Variants in KLF13 observed in about 807,000 individuals in gnomAD.
KLF13 encodes the protein Krueppel-like factor 13.
KLF13 carries 8 observed loss-of-function variants against 16.7 expected under a neutral mutation model. The ratio of observed to expected loss-of-function variants is 0.48; its 90% confidence interval spans 0.28 to 0.87. The LOEUF (loss-of-function observed/expected upper bound fraction) is 0.87, where lower values mean the gene tolerates loss of function less well. Ranked by LOEUF, KLF13 falls within the 40% of genes least tolerant of loss-of-function variation. The pLI is 0.10. For synonymous variants in KLF13, 245 were observed against 208.4 expected (o/e 1.18, Z -1.51); for missense variants, 447 against 452.2 (o/e 0.99, Z 0.10).
downstream of KLF13, among the ~76,000 whole-genome samples, chr15:31,408,460 CT>C (rs886100567): frequency 6.6e-6 from 1 of 152,142 alleles, no homozygotes; most frequent in Non-Finnish European, 1.5e-5. Flanking sequence ...AGTTAAAATT[CT>C]CGCAAAATAG....
chr15:31,358,925 G>A (rs1385658710), intron 1 of KLF13, among the ~76,000 whole-genome samples: 2 of 152,232 alleles, frequency 1.3e-5, no homozygotes, highest in Non-Finnish European at 2.9e-5. Flanking sequence ...GAGGAAAGGC[G>A]GGGGCAGTGG....
At chr15:31,341,359 CGT>C (rs972115166) in intron 1 of KLF13, among the ~76,000 whole-genome samples, 1 of 151,994 alleles carries the variant, frequency 6.6e-6, no homozygotes, top group Admixed American at 6.6e-5. Flanking sequence ...CGTGTGTGTA[CGT>C]GTGTGTGTCG....
intron 1 of KLF13, among the ~76,000 whole-genome samples, chr15:31,414,827 A>G (rs1226717021): frequency 6.6e-6 from 1 of 152,184 alleles, no homozygotes; most frequent in Non-Finnish European, 1.5e-5. Context: ...GACTTGAATG[A>G]CACTATAAAC....
At chr15:31,395,774 A>G (rs532381488) in intron 2 of KLF13, among the ~76,000 whole-genome samples, 38 of 152,310 alleles carry the variant, frequency 2.5e-4, no homozygotes, top group Non-Finnish European at 4.3e-4. Context: ...ATTTCACTTA[A>G]TAATATCACA....
intron 1 of KLF13, among the ~76,000 whole-genome samples, chr15:31,346,527 C>G (rs2039121496): frequency 6.6e-6 from 1 of 152,222 alleles, no homozygotes; most frequent in Non-Finnish European, 1.5e-5. Context: ...TCTCTTCTTC[C>G]TCTGCAGGAG....
intron 1 of KLF13, among the ~76,000 whole-genome samples, chr15:31,423,490 G>A (rs1034652470): frequency 6.6e-5 from 10 of 151,742 alleles, no homozygotes; most frequent in Admixed American, 2.0e-4. Context: ...AAATTAGCCG[G>A]GTGTGGTGGT....
In KLF13 at chr15:31,372,420, C is replaced by T. The variant is rs1415308821; in HGVS notation, c.*121C>T. 27 of 1,091,052 alleles carry T rather than the reference C, an allele frequency of 2.5e-5. No homozygotes were observed. Among genetic ancestry groups the T allele is most frequent in the Non-Finnish European group, 3.3e-5 (27 of 823,376 alleles). 67.6% of individuals were successfully genotyped at this position (1,091,052 alleles called of 1,614,324 possible). On this transcript the variant is annotated 3_prime_UTR_variant, in exon 2 of 2. Coordinates refer to ENST00000307145, the MANE Select transcript of KLF13 (RefSeq NM_015995.4). Reference sequence around the variant, plus strand: ...TCCACGAAAAAACAATTTTTTTCACCTCAGGTGTCAAAGTAAATTTGTTAA... The same window carrying T: ...TCCACGAAAAAACAATTTTTTTCACTTCAGGTGTCAAAGTAAATTTGTTAA...
At chr15:31,395,939 T>G (rs1434197258) in intron 2 of KLF13, among the ~76,000 whole-genome samples, 1 of 152,248 alleles carries the variant, frequency 6.6e-6, no homozygotes, top group African/African-American at 2.4e-5. Flanking sequence ...CTCTGCCTAC[T>G]GGACATTCAC....
At chr15:31,355,456 A>G (rs1212987044) in intron 1 of KLF13, among the ~76,000 whole-genome samples, 2 of 152,192 alleles carry the variant, frequency 1.3e-5, no homozygotes, top group Non-Finnish European at 2.9e-5. Context: ...CACATAGCTT[A>G]AGGATCCTGT....
intron 1 of KLF13, among the ~76,000 whole-genome samples, chr15:31,432,926 C>T (rs934838077): frequency 6.6e-6 from 1 of 152,102 alleles, no homozygotes; most frequent in Non-Finnish European, 1.5e-5. Flanking sequence ...ACCAGCCTGG[C>T]CAACATGGTG....
At chr15:31,422,754 G>C (rs921489112) in intron 1 of KLF13, among the ~76,000 whole-genome samples, 1 of 152,152 alleles carries the variant, frequency 6.6e-6, no homozygotes, top group Non-Finnish European at 1.5e-5. Context: ...TCAATTTTCA[G>C]CTGGGCGCAG....
At chr15:31,428,299 G>A (rs1004435179) in intron 1 of KLF13, among the ~76,000 whole-genome samples, 1 of 152,104 alleles carries the variant, frequency 6.6e-6, no homozygotes, top group East Asian at 1.9e-4. Context: ...CATGTCTCTC[G>A]CACAACATGT....
In KLF13 at chr15:31,377,534, G is replaced by A. The variant is rs1348794693; in HGVS notation, c.*5235G>A. ...CTTCCCATCCAAAGCCATTGGTGGA[G>A]CTTCTCTGGAATCATTTGCCAAAAG... On this transcript the variant is annotated 3_prime_UTR_variant, in exon 2 of 2. Coordinates refer to ENST00000307145, the MANE Select transcript of KLF13 (RefSeq NM_015995.4). 1 of 152,666 alleles carries A rather than the reference G, an allele frequency of 6.6e-6. No individual in the cohort carries two copies. Among genetic ancestry groups the A allele is most frequent in the African/African-American group, 2.4e-5 (1 of 41,442 alleles). 9.5% of individuals were successfully genotyped at this position (152,666 alleles called of 1,614,324 possible).
intron 2 of KLF13, among the ~76,000 whole-genome samples, chr15:31,402,872 AAC>A: frequency 2.0e-5 from 2 of 97,800 alleles, no homozygotes; most frequent in Middle Eastern, 5.4e-3. Context: ...GGAAAAAAAA[AAC>A]AACTTTTAAG....
At chr15:31,404,188 G>T (rs1180279261) in exon 3 of KLF13, 2 of 152,238 alleles carry the variant, frequency 1.3e-5, no homozygotes, top group African/African-American at 2.4e-5. Context: ...TAAAAAACAG[G>T]CATGATGGTG....
chr15:31,347,749 GC>G (rs1325770087), intron 1 of KLF13, among the ~76,000 whole-genome samples: 1 of 152,248 alleles, frequency 6.6e-6, no homozygotes, highest in African/African-American at 2.4e-5. Context: ...GCTTGAGGGG[GC>G]CCCAACCTCT....
intron 1 of KLF13, among the ~76,000 whole-genome samples, chr15:31,353,802 A>AC (rs2039256274): frequency 6.6e-6 from 1 of 151,198 alleles, no homozygotes; most frequent in African/African-American, 2.4e-5. Flanking sequence ...TCGGCAGGCA[A>AC]CCCCCACACC....
At chr15:31,434,832 C>T (rs888702219) in intron 1 of KLF13, among the ~76,000 whole-genome samples, 3 of 152,204 alleles carry the variant, frequency 2.0e-5, no homozygotes, top group Non-Finnish European at 4.4e-5. Context: ...GCTCATCCTG[C>T]CCTGGTTCCA....
intron 1 of KLF13, chr15:31,420,223 CA>C: frequency 1.6e-6 from 1 of 642,646 alleles, no homozygotes; most frequent in East Asian, 4.0e-5. Context: ...ATCCTGTGGG[CA>C]AAAGACTACA....
Sources: gnomAD v4.1 joint callset for allele counts (sites outside exome capture counted in the v4.1 genomes callset) on GRCh38, gnomAD v4.1.1 for gene constraint, MANE v1.5 for transcripts, NCBI Gene and HGNC (gene_info 2026-07-23, HGNC 2026-07-21) for gene names.